The following GARNL3 variants were observed in gnomAD, a reference collection of about 807,000 sequenced individuals.
GARNL3 encodes the protein GTPase activating Rap/RanGAP domain like 3, also known as GTPase-activating Rap/Ran-GAP domain-like protein 3.
Under a neutral mutation model 125.0 loss-of-function variants are expected in GARNL3, and 63 were observed. The observed-to-expected ratio is 0.50, with a 90% CI of 0.41 to 0.62. GARNL3 has a LOEUF of 0.62. Ranked by LOEUF, GARNL3 falls within the 20% of genes least tolerant of loss-of-function variation. The probability of loss-of-function intolerance (pLI) is 0.00; values close to 1 mark genes in which losing one functional copy is unlikely to be tolerated. For missense variants in GARNL3, 994 were observed against 1,244.0 expected, an observed-to-expected ratio of 0.80 and a Z score of 3.02; for synonymous variants, 439 against 457.5, an observed-to-expected ratio of 0.96 and a Z score of 0.52.
At chr9:127,374,259 C>G (rs2131771049) in intron 22 of GARNL3, among the ~76,000 whole-genome samples, 1 of 152,146 alleles carries the variant, frequency 6.6e-6, no homozygotes, top group African/African-American at 2.4e-5. Flanking sequence ...TGAGATTGCG[C>G]CATTGCGCTC....
At chr9:127,380,237 T>TGTGTGTCA (rs1030018667) in intron 22 of GARNL3, among the ~76,000 whole-genome samples, 29 of 151,754 alleles carry the variant, frequency 1.9e-4, no homozygotes, top group Non-Finnish European at 4.3e-4. Flanking sequence ...TGTGTGTGTG[T>TGTGTGTCA]GTCAGTATTT....
chr9:127,317,983 T>G, intron 4 of GARNL3, 80 bp from the exon 5 acceptor site: 1 of 846,934 alleles, frequency 1.2e-6, no homozygotes. Context: ...GGCATGGCTT[T>G]CTTTTGAATG....
chr9:127,355,558 T>C (rs760042875), intron 20 of GARNL3, 86 bp downstream of exon 20: 5 of 1,307,996 alleles, frequency 3.8e-6, no homozygotes, highest in Non-Finnish European at 5.5e-6. Flanking sequence ...TGTTACCCAC[T>C]GAGGTTGTCC....
chr9:127,369,590 G>C (rs1831494345), intron 22 of GARNL3, among the ~76,000 whole-genome samples: 1 of 152,240 alleles, frequency 6.6e-6, no homozygotes, highest in African/African-American at 2.4e-5. Flanking sequence ...AGGCCTGTCT[G>C]AGAGGGACCC....
At chr9:127,387,381 T>A in intron 25 of GARNL3, 50 bp downstream of exon 25, 2 of 1,514,752 alleles carry the variant, frequency 1.3e-6, no homozygotes, top group Non-Finnish European at 1.8e-6. Context: ...TCACTCTAAT[T>A]TCTCTAGTTT....
At chr9:127,363,044 G>A (rs891264007) in intron 21 of GARNL3, 2 of 152,324 alleles carry the variant, frequency 1.3e-5, no homozygotes, top group African/African-American at 4.8e-5. Context: ...CCCTGATCTG[G>A]ATGATGAGGG....
chr9:127,356,833 T>C (rs1830714705), intron 20 of GARNL3, among the ~76,000 whole-genome samples: 4 of 152,232 alleles, frequency 2.6e-5, no homozygotes, highest in Admixed American at 2.6e-4. Context: ...ATAAGTAGGA[T>C]TCAATGAGAA....
intron 2 of GARNL3, among the ~76,000 whole-genome samples, chr9:127,301,416 C>G (rs1457538003): frequency 2.6e-5 from 4 of 152,174 alleles, no homozygotes; most frequent in African/African-American, 9.7e-5. Flanking sequence ...TGTGGAGCAG[C>G]ACTATGATAT....
intron 7 of GARNL3, among the ~76,000 whole-genome samples, chr9:127,330,908 T>G (rs771004398): frequency 6.6e-6 from 1 of 152,198 alleles, no homozygotes; most frequent in Non-Finnish European, 1.5e-5. Context: ...AATGTTCGGA[T>G]GCACAGCCTT....
intron 22 of GARNL3, 63 bp from the exon 23 acceptor site, chr9:127,383,375 T>G: frequency 9.8e-7 from 1 of 1,021,472 alleles, no homozygotes. Context: ...TTTTCATTTC[T>G]TTAATTACAG....
chr9:127,387,016 G>C (rs559758743), intron 24 of GARNL3, 177 bp from the exon 25 acceptor site: 1 of 545,858 alleles, frequency 1.8e-6, no homozygotes. Flanking sequence ...AGTGTAACTA[G>C]CCACGCTGGG....
intron 7 of GARNL3, among the ~76,000 whole-genome samples, chr9:127,332,067 G>T (rs932523947): frequency 6.6e-6 from 1 of 152,062 alleles, no homozygotes; most frequent in Non-Finnish European, 1.5e-5. Context: ...AAAGCATACA[G>T]TCTCATCTGT....
chr9:127,256,472 G>T (rs2063497061), intron 2 of GARNL3, among the ~76,000 whole-genome samples: 1 of 152,150 alleles, frequency 6.6e-6, no homozygotes, highest in Non-Finnish European at 1.5e-5. Context: ...ATTGTGCTTT[G>T]CTTGCACAAT....
At chr9:127,247,231 T>G (rs1440460856) in intron 2 of GARNL3, among the ~76,000 whole-genome samples, 1 of 152,158 alleles carries the variant, frequency 6.6e-6, no homozygotes, top group Non-Finnish European at 1.5e-5. Context: ...GAAAATTAGT[T>G]TCACTGTTGT....
rs569197425 is a variant in GARNL3 at position 127,303,541 on chromosome 9, G to T, written c.220-8095G>T. On this transcript the variant is annotated intron_variant, in intron 2 of 27. Coordinates refer to ENST00000373387, the MANE Select transcript of GARNL3 (RefSeq NM_032293.5). ...CATTTGTAATTTTTTAAAAGTTTTA[G>T]TTTGTTTTTTAAAAGAATCCATTTT... 1.2e-3 allele frequency among the ~76,000 whole-genome samples: 167 copies of T among 144,918 alleles called. 3 individuals are homozygous for T. The South Asian group carries it at 0.012, about 10-fold the overall frequency.
At chr9:127,286,012 A>G (rs1419556002) in intron 1 of GARNL3, among the ~76,000 whole-genome samples, 1 of 81,366 alleles carries the variant, frequency 1.2e-5, no homozygotes, top group African/African-American at 3.1e-5. Flanking sequence ...GCTCCTCTTT[A>G]TCCACTTTCT....
At chr9:127,333,757 G>A (rs1486927628) in intron 9 of GARNL3, among the ~76,000 whole-genome samples, 6 of 152,192 alleles carry the variant, frequency 3.9e-5, no homozygotes, top group African/African-American at 9.7e-5. Flanking sequence ...TGGAGGGAAC[G>A]AGGCACTGAG....
intron 4 of GARNL3, among the ~76,000 whole-genome samples, chr9:127,315,040 T>C (rs1360085955): frequency 6.6e-6 from 1 of 152,234 alleles, no homozygotes; most frequent in East Asian, 1.9e-4. Flanking sequence ...ATCCCAGGAC[T>C]GCTGTGAAGG....
intron 1 of GARNL3, among the ~76,000 whole-genome samples, chr9:127,238,089 C>T (rs1386732720): frequency 6.6e-6 from 1 of 152,140 alleles, no homozygotes; most frequent in Admixed American, 6.5e-5. Context: ...CTATGCCAGA[C>T]GAATACCTGC....
Sources: gnomAD v4.1 joint callset for allele counts (sites outside exome capture counted in the v4.1 genomes callset) on GRCh38, gnomAD v4.1.1 for gene constraint, MANE v1.5 for transcripts, NCBI Gene and HGNC (gene_info 2026-07-23, HGNC 2026-07-21) for gene names.